Variants in SV2C observed in about 807,000 individuals in gnomAD.
SV2C encodes the protein synaptic vesicle glycoprotein 2C, also known as solute carrier family 22 member B3.
Under a neutral mutation model 79.7 loss-of-function variants are expected in SV2C, and 49 were observed. The observed-to-expected ratio is 0.61, with a 90% CI of 0.49 to 0.78. The LOEUF is 0.78. SV2C is among the 30% of genes least tolerant of loss of function. The probability of loss-of-function intolerance (pLI) is 0.00; values close to 1 mark genes in which losing one functional copy is unlikely to be tolerated. For missense variants in SV2C, 833 were observed against 912.9 expected, an observed-to-expected ratio of 0.91 and a Z score of 1.13; for synonymous variants, 334 against 333.2, an observed-to-expected ratio of 1.00 and a Z score of -0.03.
At chr5:76,211,916 A>T (rs1259072623) in intron 4 of SV2C, among the ~76,000 whole-genome samples, 6 of 152,226 alleles carry the variant, frequency 3.9e-5, no homozygotes, top group Non-Finnish European at 8.8e-5. Context: ...GGAATTGGTT[A>T]CTTGGCCTGA....
chr5:76,150,674 G>A (rs1393448400), intron 2 of SV2C, among the ~76,000 whole-genome samples: 1 of 103,140 alleles, frequency 9.7e-6, no homozygotes, highest in African/African-American at 4.0e-5. Context: ...GTGTCACTCT[G>A]TTGCCCAGGC....
At chr5:76,282,936 C>A (rs1339242601) in intron 4 of SV2C, among the ~76,000 whole-genome samples, 1 of 152,138 alleles carries the variant, frequency 6.6e-6, no homozygotes, top group African/African-American at 2.4e-5. Flanking sequence ...CATGTGAACC[C>A]AAGAGGCAAA....
chr5:75,903,660 A>G, the SV2C span, among the ~76,000 whole-genome samples: 1 of 152,222 alleles, frequency 6.6e-6, no homozygotes, highest in African/African-American at 2.4e-5. Flanking sequence ...GATGAAGATG[A>G]TGAGACCCTT....
chr5:76,243,425 C>T (rs1035293477), intron 4 of SV2C, among the ~76,000 whole-genome samples: 7 of 152,228 alleles, frequency 4.6e-5, no homozygotes, highest in Admixed American at 4.6e-4. Flanking sequence ...CAGCTGGGAG[C>T]ACAGAGGCAG....
At chr5:76,128,382 A>G (rs1240506408) in intron 1 of SV2C, among the ~76,000 whole-genome samples, 1 of 152,202 alleles carries the variant, frequency 6.6e-6, no homozygotes, top group African/African-American at 2.4e-5. Flanking sequence ...CAATTTAGAG[A>G]AGCGGTTATA....
the SV2C span, among the ~76,000 whole-genome samples, chr5:76,054,178 G>C: frequency 6.6e-6 from 1 of 152,038 alleles, no homozygotes; most frequent in Non-Finnish European, 1.5e-5. Flanking sequence ...GGTGTGTGAT[G>C]TTCCCCTGCC....
intron 1 of SV2C, among the ~76,000 whole-genome samples, chr5:76,122,400 A>G (rs1040265059): frequency 6.6e-6 from 1 of 151,662 alleles, no homozygotes; most frequent in Admixed American, 6.6e-5. Flanking sequence ...AGAACTTCCA[A>G]CACTATGTTG....
chr5:75,870,761 A>T, the SV2C span, among the ~76,000 whole-genome samples: 1 of 151,924 alleles, frequency 6.6e-6, no homozygotes, highest in South Asian at 2.1e-4. Context: ...GGATCTTAAA[A>T]GCATAAAGAG....
the SV2C span, among the ~76,000 whole-genome samples, chr5:75,869,569 C>A: frequency 2.6e-5 from 4 of 152,156 alleles, no homozygotes; most frequent in Non-Finnish European, 5.9e-5. Flanking sequence ...CCTGCCCTGG[C>A]CCTGGGAGGA....
chr5:76,244,049 T>G (rs1745874652), intron 4 of SV2C, among the ~76,000 whole-genome samples: 1 of 152,158 alleles, frequency 6.6e-6, no homozygotes, highest in Admixed American at 6.5e-5. Flanking sequence ...ATACCTAAAA[T>G]AGCACACCCA....
chr5:76,112,503 G>T (rs1220510376), intron 1 of SV2C, among the ~76,000 whole-genome samples: 1 of 152,202 alleles, frequency 6.6e-6, no homozygotes, highest in Non-Finnish European at 1.5e-5. Context: ...GGGGATGGGG[G>T]GGAGGACCCT....
the SV2C span, among the ~76,000 whole-genome samples, chr5:76,061,268 TAAAAAAAAAAA>T: frequency 1.9e-5 from 1 of 51,618 alleles, no homozygotes; most frequent in Non-Finnish European, 3.4e-5. Context: ...CTTCAATTTG[TAAAAAAAAAAA>T]AAAAAAAAAA....
the SV2C span, among the ~76,000 whole-genome samples, chr5:76,042,053 G>A: frequency 5.3e-5 from 8 of 152,224 alleles, no homozygotes; most frequent in African/African-American, 1.4e-4. Context: ...CCTGCCACCC[G>A]CCATTCAGGA....
intron 1 of SV2C, among the ~76,000 whole-genome samples, chr5:76,111,383 T>C (rs1043430304): frequency 2.0e-5 from 3 of 152,184 alleles, no homozygotes; most frequent in Non-Finnish European, 2.9e-5. Flanking sequence ...TTATTAATGA[T>C]GAATATTTTT....
At chr5:75,892,773 T>G in the SV2C span, among the ~76,000 whole-genome samples, 1 of 152,148 alleles carries the variant, frequency 6.6e-6, no homozygotes. Flanking sequence ...TTTATTCTTT[T>G]TATGGGTGCG....
chr5:75,855,572 C>A, the SV2C span, among the ~76,000 whole-genome samples: 5 of 152,070 alleles, frequency 3.3e-5, no homozygotes, highest in African/African-American at 1.2e-4. Flanking sequence ...TGTGTCACAT[C>A]TTGGTAATTC....
intron 1 of SV2C, among the ~76,000 whole-genome samples, chr5:76,106,945 A>G (rs766910126): frequency 2.6e-5 from 4 of 152,158 alleles, no homozygotes; most frequent in Non-Finnish European, 5.9e-5. Flanking sequence ...GTTGCATCCC[A>G]AGTGCCCAGA....
the SV2C span, among the ~76,000 whole-genome samples, chr5:75,990,606 G>T: frequency 6.6e-6 from 1 of 151,922 alleles, no homozygotes. Context: ...GAAGGACTAG[G>T]AGTAGAAAAG....
At chr5:75,970,078 G>C in the SV2C span, among the ~76,000 whole-genome samples, 1 of 152,020 alleles carries the variant, frequency 6.6e-6, no homozygotes, top group African/African-American at 2.4e-5. Context: ...TGACTACTGG[G>C]TACATAACAA....
Sources: gnomAD v4.1 joint callset for allele counts (sites outside exome capture counted in the v4.1 genomes callset) on GRCh38, gnomAD v4.1.1 for gene constraint, MANE v1.5 for transcripts, NCBI Gene and HGNC (gene_info 2026-07-23, HGNC 2026-07-21) for gene names.